Variants in NDUFAF2 observed in about 807,000 individuals in gnomAD.
NDUFAF2 encodes NADH dehydrogenase [ubiquinone] 1 alpha subcomplex assembly factor 2.
Under a neutral mutation model 22.8 loss-of-function variants are expected in NDUFAF2, and 13 were observed. The observed-to-expected ratio is 0.57, with a 90% CI of 0.37 to 0.91. NDUFAF2 has a LOEUF of 0.91. Among genes scored for constraint, NDUFAF2 ranks in the 40% least tolerant of loss-of-function variants. The pLI is 0.01. For missense variants in NDUFAF2, 162 were observed against 195.2 expected (o/e 0.83, Z 1.01); for synonymous variants, 53 against 64.2 (o/e 0.83, Z 0.84).
intron 1 of NDUFAF2, among the ~76,000 whole-genome samples, chr5:60,948,404 G>A (rs990904460): frequency 1.5e-4 from 23 of 152,210 alleles, no homozygotes; most frequent in Middle Eastern, 6.8e-3. Flanking sequence ...AGTAGAGACG[G>A]GGTTTCACCA....
chr5:61,093,727 G>A (rs1223733217), intron 2 of NDUFAF2, among the ~76,000 whole-genome samples: 1 of 152,070 alleles, frequency 6.6e-6, no homozygotes, highest in Non-Finnish European at 1.5e-5. Context: ...TTCCTTTTTT[G>A]TGGTATCAAA....
intron 3 of NDUFAF2, among the ~76,000 whole-genome samples, chr5:61,136,003 C>CCATATATATATATATATA (rs1740923936): frequency 1.7e-5 from 1 of 57,658 alleles, no homozygotes; most frequent in African/African-American, 1.1e-4. Context: ...CTAAGCCTGT[C>CCATATATATATATATATA]TTTATATATA....
chr5:60,947,162 A>G (rs1179498399), intron 1 of NDUFAF2, among the ~76,000 whole-genome samples: 1 of 152,186 alleles, frequency 6.6e-6, no homozygotes, highest in Non-Finnish European at 1.5e-5. Flanking sequence ...AAGTTGTGTG[A>G]TCAATGTGTG....
chr5:61,086,172 TAAA>T (rs1433062425), intron 2 of NDUFAF2, among the ~76,000 whole-genome samples: 2 of 152,008 alleles, frequency 1.3e-5, no homozygotes, highest in Admixed American at 1.3e-4. Flanking sequence ...TGAGAAAAAT[TAAA>T]GAAGACTTAA....
intron 3 of NDUFAF2, among the ~76,000 whole-genome samples, chr5:61,151,637 GT>G (rs1741241071): frequency 6.6e-6 from 1 of 152,166 alleles, no homozygotes; most frequent in African/African-American, 2.4e-5. Flanking sequence ...AATTAGCTGG[GT>G]GTGGTGGCAC....
intron 1 of NDUFAF2, among the ~76,000 whole-genome samples, chr5:60,950,046 T>G (rs1750523297): frequency 6.6e-6 from 1 of 152,194 alleles, no homozygotes; most frequent in African/African-American, 2.4e-5. Context: ...TTTGTTTTTA[T>G]CCTTTCTAAC....
In NDUFAF2 at chr5:60,953,476, C is replaced by T. The variant is rs1441505620; in HGVS notation, c.127+8094C>T. Among the ~76,000 whole-genome samples, 3 of 152,144 alleles carry T rather than the reference C, an allele frequency of 2.0e-5. No homozygotes were observed. The East Asian group carries it at 5.8e-4, about 29-fold the overall frequency. On this transcript the variant is annotated intron_variant, in intron 1 of 3. Transcript: ENST00000296597. ...ATAATTCCCTTTCCTCTTCCCTCTACTGGATATCTTATTCCCTGGATTCTG... is the reference window on the plus strand; with the variant it reads ...ATAATTCCCTTTCCTCTTCCCTCTATTGGATATCTTATTCCCTGGATTCTG...
At chr5:61,093,211 G>T (rs1752592418) in intron 2 of NDUFAF2, among the ~76,000 whole-genome samples, 1 of 152,192 alleles carries the variant, frequency 6.6e-6, no homozygotes, top group African/African-American at 2.4e-5. Context: ...TACCCACCCA[G>T]ATTGAAAGTT....
At chr5:61,144,091 T>A (rs1374627503) in intron 3 of NDUFAF2, among the ~76,000 whole-genome samples, 1 of 151,994 alleles carries the variant, frequency 6.6e-6, no homozygotes, top group African/African-American at 2.4e-5. Flanking sequence ...GAGCATTAAC[T>A]CTATTCCATT....
At chr5:60,972,369 A>G (rs930517999) in intron 1 of NDUFAF2, among the ~76,000 whole-genome samples, 8 of 152,060 alleles carry the variant, frequency 5.3e-5, no homozygotes, top group African/African-American at 1.4e-4. Context: ...AGATAGTTGA[A>G]TCACGGGGGT....
At chr5:61,120,811 A>G (rs919454964) in intron 3 of NDUFAF2, among the ~76,000 whole-genome samples, 1 of 152,108 alleles carries the variant, frequency 6.6e-6, no homozygotes, top group African/African-American at 2.4e-5. Context: ...AAAGGGGTTA[A>G]AGGAGTTAAA....
chr5:61,057,307 C>T (rs578046959), intron 1 of NDUFAF2, among the ~76,000 whole-genome samples: 5 of 152,260 alleles, frequency 3.3e-5, no homozygotes, highest in African/African-American at 1.2e-4. Context: ...GTAGGCTTTA[C>T]ATGTTCTTGG....
intron 1 of NDUFAF2, among the ~76,000 whole-genome samples, chr5:61,068,759 G>A (rs541158340): frequency 6.6e-6 from 1 of 151,904 alleles, no homozygotes; most frequent in South Asian, 2.1e-4. Flanking sequence ...TTCTTTTTTG[G>A]AAAGAAATAG....
intron 2 of NDUFAF2, among the ~76,000 whole-genome samples, chr5:61,088,049 T>C (rs1752524452): frequency 6.6e-6 from 1 of 152,100 alleles, no homozygotes; most frequent in South Asian, 2.1e-4. Flanking sequence ...GGAAAAGCTC[T>C]ACCATCCCAC....
chr5:61,006,579 G>T (rs1751369628), intron 1 of NDUFAF2, among the ~76,000 whole-genome samples: 1 of 152,138 alleles, frequency 6.6e-6, no homozygotes, highest in Non-Finnish European at 1.5e-5. Context: ...CATGAGCATG[G>T]AATGTTCTTC....
chr5:61,065,963 T>C (rs770857116), intron 1 of NDUFAF2, among the ~76,000 whole-genome samples: 2 of 151,406 alleles, frequency 1.3e-5, no homozygotes, highest in African/African-American at 2.4e-5. Context: ...TTAGCAAAAA[T>C]AAAAAACCCG....
chr5:61,152,654 T>C, intron 3 of NDUFAF2, 50 bp from the exon 4 acceptor site: 1 of 1,343,278 alleles, frequency 7.4e-7, no homozygotes, highest in Non-Finnish European at 1.0e-6. Context: ...TTATAAAAAC[T>C]TTTTTTAACT....
intron 3 of NDUFAF2, among the ~76,000 whole-genome samples, chr5:61,099,301 T>C (rs1031202083): frequency 1.3e-5 from 2 of 151,430 alleles, no homozygotes; most frequent in Admixed American, 6.6e-5. Flanking sequence ...ATTAAAACAC[T>C]CTGTAGAAAG....
chr5:61,048,638 A>G (rs1277458823), intron 1 of NDUFAF2, among the ~76,000 whole-genome samples: 1 of 152,162 alleles, frequency 6.6e-6, no homozygotes, highest in Non-Finnish European at 1.5e-5. Flanking sequence ...CACCTGGGCC[A>G]ATAACCTTGT....
Sources: gnomAD v4.1 joint callset for allele counts (sites outside exome capture counted in the v4.1 genomes callset) on GRCh38, gnomAD v4.1.1 for gene constraint, MANE v1.5 for transcripts, NCBI Gene and HGNC (gene_info 2026-07-23, HGNC 2026-07-21) for gene names.